Variants in CA4 observed in about 807,000 individuals in gnomAD.
CA4 encodes the protein carbonic anhydrase 4, also known as CA-IV.
In CA4, 24 loss-of-function variants were observed where a neutral mutation model predicts 34.5. The observed-to-expected ratio is 0.70, with a 90% CI of 0.50 to 0.98. The LOEUF (loss-of-function observed/expected upper bound fraction) is 0.98, where lower values mean the gene tolerates loss of function less well. CA4 is among the 50% of genes least tolerant of loss of function. The pLI is 0.00. For missense variants in CA4, 394 were observed against 396.7 expected, an observed-to-expected ratio of 0.99 and a Z score of 0.06; for synonymous variants, 178 against 170.6, an observed-to-expected ratio of 1.04 and a Z score of -0.34.
intron 5 of CA4, among the ~76,000 whole-genome samples, chr17:60,167,031 C>T (rs897261551): frequency 5.3e-5 from 8 of 152,132 alleles, no homozygotes; most frequent in African/African-American, 1.2e-4. Context: ...TACTTGAGTC[C>T]GCACACTTAC....
downstream of CA4, among the ~76,000 whole-genome samples, chr17:60,172,813 C>G (rs1317193153): frequency 6.6e-6 from 1 of 151,484 alleles, no homozygotes; most frequent in Non-Finnish European, 1.5e-5. Flanking sequence ...CACTTCACTC[C>G]AGCCTGGGCG....
chr17:60,158,915 C>T (rs1238453783), intron 7 of CA4: 10 of 460,746 alleles, frequency 2.2e-5, no homozygotes, highest in Non-Finnish European at 3.6e-5. Context: ...AAGCCCGCCC[C>T]CCAGCTGATG....
At chr17:60,177,239 T>C in the CA4 span, among the ~76,000 whole-genome samples, 1 of 152,214 alleles carries the variant, frequency 6.6e-6, no homozygotes, top group Non-Finnish European at 1.5e-5. Flanking sequence ...CATGGAGGCA[T>C]CCACAGTATT....
downstream of CA4, among the ~76,000 whole-genome samples, chr17:60,161,640 C>G (rs1270919575): frequency 7.2e-5 from 11 of 151,754 alleles, 1 homozygote; most frequent in Admixed American, 7.2e-4. Context: ...CCAGTCAGCC[C>G]AGGGAGAGGA....
chr17:60,152,195 C>T (rs1456107703), intron 1 of CA4, among the ~76,000 whole-genome samples: 1 of 152,046 alleles, frequency 6.6e-6, no homozygotes, highest in African/African-American at 2.4e-5. Flanking sequence ...TAGGTAGCCC[C>T]TCTCCTTCCC....
intron 5 of CA4, among the ~76,000 whole-genome samples, chr17:60,168,876 G>A (rs1299322597): frequency 6.6e-6 from 1 of 152,210 alleles, no homozygotes; most frequent in Non-Finnish European, 1.5e-5. Flanking sequence ...GAGAACCAAT[G>A]AAACCTGAGT....
chr17:60,150,029 C>G lies in CA4; in HGVS notation c.-6C>G, dbSNP rs374148055. The stretch of plus-strand genomic sequence containing the variant: ...CGGCTCAGAGGACTCTTTGCTGTCC[C>G]GCAAGATGCGGATGCTGCTGGCGCT... On this transcript the variant is annotated 5_prime_UTR_variant, in exon 1 of 8. Transcript: ENST00000300900. The G allele has an allele frequency of 5.1e-4, 814 of 1,602,388 alleles. 6 individuals carry two copies. In the African/African-American group the frequency reaches 9.4e-3, roughly 19 times the overall value.
chr17:60,154,711 GA>G (rs556160134), intron 1 of CA4, among the ~76,000 whole-genome samples: 10 of 152,214 alleles, frequency 6.6e-5, no homozygotes, highest in Non-Finnish European at 1.5e-4. Flanking sequence ...TGTCCCCAGA[GA>G]TCAGGACTGT....
intron 3 of CA4, among the ~76,000 whole-genome samples, chr17:60,157,196 G>A (rs1395187562): frequency 1.3e-5 from 2 of 152,266 alleles, no homozygotes; most frequent in Non-Finnish European, 2.9e-5. Flanking sequence ...GTTTGGGGCA[G>A]TGGAGGGTGC....
downstream of CA4, among the ~76,000 whole-genome samples, chr17:60,172,443 G>A (rs1470498746): frequency 2.0e-5 from 3 of 152,084 alleles, no homozygotes; most frequent in Admixed American, 6.6e-5. Context: ...TTGTTGGTAA[G>A]GTCTAAAGTT....
At chr17:60,152,562 G>A (rs140223977) in intron 1 of CA4, among the ~76,000 whole-genome samples, 27 of 152,336 alleles carry the variant, frequency 1.8e-4, no homozygotes, top group African/African-American at 6.5e-4. Context: ...CAGGGAGGCT[G>A]TGAGGCGAGT....
chr17:60,155,246 G>T, intron 1 of CA4, 68 bp from the exon 2 acceptor site: 2 of 1,477,154 alleles, frequency 1.4e-6, no homozygotes, highest in South Asian at 1.2e-5. Flanking sequence ...CCCAGCCTCT[G>T]ATCCTCCTGT....
intron 1 of CA4, among the ~76,000 whole-genome samples, chr17:60,151,779 C>T (rs993580084): frequency 2.6e-5 from 4 of 152,142 alleles, no homozygotes; most frequent in African/African-American, 9.7e-5. Flanking sequence ...CTGGGACCTG[C>T]CTTCCATTCA....
chr17:60,156,716 G>A lies in CA4; in HGVS notation c.268+1G>A. The stretch of plus-strand genomic sequence containing the variant: ...ACTGTCCAAAATAACGGGCACTCAG[G>A]TGGGCTGGATGGAGGCCCCAGGCAG... On this transcript the variant is annotated splice_donor_variant, in intron 3 of 7. Coordinates refer to ENST00000300900, the MANE Select transcript of CA4 (RefSeq NM_000717.5). LOFTEE classifies it high-confidence loss of function. The A allele has an allele frequency of 1.2e-6, 2 of 1,614,008 alleles. No individual in the cohort carries two copies. Among genetic ancestry groups the A allele is most frequent in the Non-Finnish European group, 1.7e-6 (2 of 1,179,884 alleles).
intron 1 of CA4, among the ~76,000 whole-genome samples, chr17:60,150,494 G>A (rs944089711): frequency 3.3e-5 from 5 of 151,662 alleles, no homozygotes; most frequent in Non-Finnish European, 7.4e-5. Context: ...CCAACATGGT[G>A]AAATCCCATC....
At chr17:60,157,028 G>T in intron 3 of CA4, 1 of 524,980 alleles carries the variant, frequency 1.9e-6, no homozygotes, top group Non-Finnish European at 3.4e-6. Context: ...AGGAAGGACA[G>T]ACAGTGAAGC....
At chr17:60,158,841 G>A (rs749701505) in intron 7 of CA4, 8 of 410,234 alleles carry the variant, frequency 2.0e-5, no homozygotes, top group Non-Finnish European at 3.6e-5. Context: ...TGTTAGAAAT[G>A]CTAATCCTCA....
intron 5 of CA4, among the ~76,000 whole-genome samples, chr17:60,168,409 G>A (rs1272116966): frequency 3.9e-5 from 2 of 50,722 alleles, no homozygotes; most frequent in East Asian, 1.3e-3. Context: ...GGGGCAGGTG[G>A]GGAAGGGTGA....
In CA4 at chr17:60,159,407, G is replaced by A. The variant is rs376414377; in HGVS notation, c.922G>A (p.Ala308Thr). ...LLGPMLACLL[A>T]GFLR ...GGGCCCCATGCTGGCCTGCCTGCTGGCCGGCTTCCTGCGATGATGGCTCAC... is the reference window on the plus strand; with the variant it reads ...GGGCCCCATGCTGGCCTGCCTGCTGACCGGCTTCCTGCGATGATGGCTCAC... The change falls in exon 8 of 8, where the codon GCC (alanine) becomes ACC (threonine). Residue 308 changes from alanine (A) to threonine (T), a missense_variant. Physicochemically the swap from Ala to Thr is moderately conservative, Grantham distance 58. Coordinates refer to ENST00000300900, the MANE Select transcript of CA4 (RefSeq NM_000717.5). 6.2e-7 allele frequency: 1 copy of A among 1,612,100 alleles called. No homozygotes were observed. The highest frequency in any genetic ancestry group is 2.2e-5 in the East Asian group (1 of 44,870).
Sources: gnomAD v4.1 joint callset for allele counts (sites outside exome capture counted in the v4.1 genomes callset) on GRCh38, gnomAD v4.1.1 for gene constraint, MANE v1.5 for transcripts, NCBI Gene and HGNC (gene_info 2026-07-23, HGNC 2026-07-21) for gene names.